Variants in BAZ2B observed in about 807,000 individuals in gnomAD.
BAZ2B encodes the protein bromodomain adjacent to zinc finger domain 2B.
Under a neutral mutation model 246.0 loss-of-function variants are expected in BAZ2B, and 91 were observed. The ratio of observed to expected loss-of-function variants is 0.37; its 90% CI spans 0.31 to 0.44. The LOEUF (loss-of-function observed/expected upper bound fraction) is 0.44. Ranked by LOEUF, BAZ2B falls within the 20% of genes least tolerant of loss-of-function variation. The pLI, the probability that BAZ2B is intolerant of heterozygous loss-of-function variation, is 1.00. For missense variants in BAZ2B, 2,332 were observed against 2,533.7 expected (o/e 0.92, Z 1.71); for synonymous variants, 855 against 860.0 (o/e 0.99, Z 0.10).
At chr2:159,705,443 A>AT in the BAZ2B span, among the ~76,000 whole-genome samples, 1 of 152,268 alleles carries the variant, frequency 6.6e-6, no homozygotes, top group African/African-American at 2.4e-5. Flanking sequence ...TAACATTTAT[A>AT]GTTCTGAATA....
chr2:159,440,539 GA>G (rs2073196825), intron 6 of BAZ2B, among the ~76,000 whole-genome samples: 1 of 148,030 alleles, frequency 6.8e-6, no homozygotes, highest in Non-Finnish European at 1.5e-5. Context: ...TTTTTTCGGG[GA>G]CAGTCTCGCT....
chr2:159,431,824 ATACT>A (rs2071172694), intron 9 of BAZ2B, among the ~76,000 whole-genome samples: 1 of 145,940 alleles, frequency 6.9e-6, no homozygotes, highest in Non-Finnish European at 1.5e-5. Context: ...CACAGGAGTG[ATACT>A]TAGACTGTTT....
intron 23 of BAZ2B, among the ~76,000 whole-genome samples, chr2:159,384,612 A>G (rs2062403753): frequency 6.6e-6 from 1 of 152,162 alleles, no homozygotes; most frequent in Admixed American, 6.6e-5. Context: ...GTATTTTACT[A>G]GTAACAAGTA....
intron 2 of BAZ2B, among the ~76,000 whole-genome samples, chr2:159,535,863 G>A (rs2085914497): frequency 6.6e-6 from 1 of 152,210 alleles, no homozygotes; most frequent in South Asian, 2.1e-4. Context: ...GCAATTGTCT[G>A]TCTGAATCTT....
intron 2 of BAZ2B, among the ~76,000 whole-genome samples, chr2:159,551,466 C>CAAAAAAA (rs57418948): frequency 1.4e-4 from 10 of 71,632 alleles, no homozygotes; most frequent in South Asian, 4.0e-4. Flanking sequence ...GACTCAGACT[C>CAAAAAAA]AAAAAAAAAA....
At chr2:159,647,443 C>G in the BAZ2B span, among the ~76,000 whole-genome samples, 1 of 152,218 alleles carries the variant, frequency 6.6e-6, no homozygotes, top group African/African-American at 2.4e-5. Flanking sequence ...TCAACTGATT[C>G]ACATCCACAT....
chr2:159,604,847 T>C (rs1271326429), intron 1 of BAZ2B, among the ~76,000 whole-genome samples: 2 of 152,176 alleles, frequency 1.3e-5, no homozygotes, highest in Non-Finnish European at 2.9e-5. Flanking sequence ...GAAATAACTA[T>C]AAAAAGTTTG....
At chr2:159,460,159 G>C (rs1298977524) in intron 3 of BAZ2B, 1 of 151,968 alleles carries the variant, frequency 6.6e-6, no homozygotes, top group Non-Finnish European at 1.5e-5. Context: ...ATATAAAAGT[G>C]ATTAAAATCA....
chr2:159,380,824 T>A (rs1388611601), intron 25 of BAZ2B, among the ~76,000 whole-genome samples: 2 of 152,182 alleles, frequency 1.3e-5, no homozygotes, highest in African/African-American at 4.8e-5. Context: ...ATTAAGCCTG[T>A]CCTGTGTGAC....
intron 2 of BAZ2B, among the ~76,000 whole-genome samples, chr2:159,530,010 A>G (rs1008973616): frequency 9.2e-5 from 14 of 152,142 alleles, no homozygotes; most frequent in Admixed American, 7.2e-4. Context: ...GAAGCTTTCA[A>G]CTCTAACTTT....
At chr2:159,325,097 T>TGA (rs1286939879) in intron 35 of BAZ2B, 143 bp from the exon 36 acceptor site, 1 of 2,678 alleles carries the variant, frequency 3.7e-4, no homozygotes, top group Non-Finnish European at 8.3e-4. Flanking sequence ...ATATATTATA[T>TGA]ATATATATAT....
At chr2:159,567,718 A>G (rs1416315343) in intron 1 of BAZ2B, among the ~76,000 whole-genome samples, 2 of 152,224 alleles carry the variant, frequency 1.3e-5, no homozygotes, top group Non-Finnish European at 2.9e-5. Flanking sequence ...TCACGCCTGT[A>G]ATCATAGCAC....
intron 3 of BAZ2B, chr2:159,462,472 C>G (rs2076526311): frequency 1.8e-6 from 2 of 1,103,416 alleles, no homozygotes; most frequent in Admixed American, 1.7e-5. Flanking sequence ...TAACCGGAAG[C>G]TGCCGGCGCA....
chr2:159,610,382 G>C (rs906825592), intron 1 of BAZ2B, among the ~76,000 whole-genome samples: 1 of 152,180 alleles, frequency 6.6e-6, no homozygotes, highest in African/African-American at 2.4e-5. Flanking sequence ...CGAGTTAAGA[G>C]CTTCAGTACA....
chr2:159,337,315 A>G, intron 32 of BAZ2B: 1 of 1,137,280 alleles, frequency 8.8e-7, no homozygotes, highest in Non-Finnish European at 1.2e-6. Flanking sequence ...CATAACAAAA[A>G]AAAAGTTTTT....
At chr2:159,403,638 G>T (rs1449481994) in intron 16 of BAZ2B, among the ~76,000 whole-genome samples, 1 of 152,024 alleles carries the variant, frequency 6.6e-6, no homozygotes, top group Non-Finnish European at 1.5e-5. Flanking sequence ...ACAATGTCTA[G>T]CAGTCACAAT....
rs761693240 is a variant in BAZ2B, at chr2:159,382,778, T to C, written c.3786A>G (p.Lys1262=). ...LRKLRIIHAK[K]TGKRDTSGGI... ...CACCTGAAGTGTCTCTTTTGCCTGT[T>C]TTCTTAGCATGAATGATTCTGAGCC... Residue 1262 remains lysine, a synonymous_variant, in exon 25 of 37, where the codon AAA becomes AAG. Transcript: ENST00000392783. 4.3e-6 allele frequency: 7 copies of C among 1,613,668 alleles called. No homozygotes were observed. Among genetic ancestry groups the C allele is most frequent in the Non-Finnish European group, 5.9e-6 (7 of 1,179,754 alleles).
chr2:159,704,463 CCTCTCTAT>C, the BAZ2B span, among the ~76,000 whole-genome samples: 1 of 146,676 alleles, frequency 6.8e-6, no homozygotes, highest in Non-Finnish European at 1.5e-5. Context: ...TCCCTCCCTC[CCTCTCTAT>C]CTTTCTTTTT....
intron 21 of BAZ2B, among the ~76,000 whole-genome samples, chr2:159,388,889 G>C (rs1452120770): frequency 1.3e-5 from 2 of 151,896 alleles, no homozygotes; most frequent in African/African-American, 2.4e-5. Context: ...CAACATAAGA[G>C]TCTGCCGCTA....
Sources: gnomAD v4.1 joint callset for allele counts (sites outside exome capture counted in the v4.1 genomes callset) on GRCh38, gnomAD v4.1.1 for gene constraint, MANE v1.5 for transcripts, NCBI Gene and HGNC (gene_info 2026-07-23, HGNC 2026-07-21) for gene names.